ZSWIM6: variants seen among roughly 807,000 people sequenced by gnomAD.
The protein encoded by ZSWIM6 is zinc finger SWIM domain-containing protein 6.
ZSWIM6 carries 9 observed loss-of-function variants against 113.2 expected under a neutral mutation model. That is an observed-to-expected ratio of 0.08 (90% confidence interval 0.05 to 0.14). ZSWIM6 has a LOEUF of 0.14. ZSWIM6 is among the 10% of genes least tolerant of loss of function. The pLI, the probability that ZSWIM6 is intolerant of heterozygous loss-of-function variation, is 1.00. For missense variants in ZSWIM6, 1,162 were observed against 1,552.2 expected (o/e 0.75, Z 4.22); for synonymous variants, 611 against 606.5 (o/e 1.01, Z -0.11).
chr5:61,370,143 C>T (rs1191722419), intron 1 of ZSWIM6, among the ~76,000 whole-genome samples: 2 of 152,204 alleles, frequency 1.3e-5, no homozygotes, highest in African/African-American at 4.8e-5. Flanking sequence ...AATTATGAAA[C>T]ATCCTTATCA....
At chr5:61,379,771 C>G (rs1323622793) in intron 1 of ZSWIM6, among the ~76,000 whole-genome samples, 1 of 152,086 alleles carries the variant, frequency 6.6e-6, no homozygotes, top group Admixed American at 6.5e-5. Flanking sequence ...AAAACAAATA[C>G]CTCCCTCAAA....
chr5:61,431,244 G>A (rs189959677), intron 1 of ZSWIM6, among the ~76,000 whole-genome samples: 24 of 151,798 alleles, frequency 1.6e-4, no homozygotes, highest in African/African-American at 5.3e-4. Flanking sequence ...GTGGTGGTAC[G>A]TGCCTGTAGT....
chr5:61,405,706 A>T (rs1451785180), intron 1 of ZSWIM6, among the ~76,000 whole-genome samples: 1 of 152,202 alleles, frequency 6.6e-6, no homozygotes, highest in Non-Finnish European at 1.5e-5. Context: ...AGAGTAGAAG[A>T]GTAGATTAGA....
At chr5:61,526,132 A>G in intron 6 of ZSWIM6, 118 bp from the exon 7 acceptor site, 1 of 1,429,070 alleles carries the variant, frequency 7.0e-7, no homozygotes, top group Admixed American at 2.6e-5. Context: ...ATCCAAGTTC[A>G]GGAATGGTTT....
chr5:61,486,051 T>A (rs918642279), intron 2 of ZSWIM6, among the ~76,000 whole-genome samples: 3 of 152,158 alleles, frequency 2.0e-5, no homozygotes, highest in African/African-American at 7.2e-5. Context: ...TAGTCTGGGC[T>A]ATAGGGCATC....
At position 61,539,630 on chromosome 5, in the gene ZSWIM6, C is replaced by T. The variant is rs1436482942; in HGVS notation, c.2574C>T (p.Ser858=). 1.3e-6 allele frequency: 2 copies of T among 1,551,920 alleles called. No individual in the cohort carries two copies. Among genetic ancestry groups the T allele is most frequent in the East Asian group, 4.9e-5 (2 of 40,920 alleles). The change falls in exon 12 of 14, where the codon TCC becomes TCT. Residue 858 remains serine, a synonymous_variant. Coordinates refer to ENST00000252744, the MANE Select transcript of ZSWIM6 (RefSeq NM_020928.2). The part of the protein sequence containing the change: ...DVRRLETVLE[S]IQKNIHSSSH... ...GGAGGCTGGAAACAGTATTAGAATCCATCCAGAAAAACATTCACTCCTCAT... is the reference window on the plus strand; with the variant it reads ...GGAGGCTGGAAACAGTATTAGAATCTATCCAGAAAAACATTCACTCCTCAT...
chr5:61,333,881 G>C lies in ZSWIM6; in HGVS notation c.676+933G>C, dbSNP rs565051702. ...CGGGCGAGCCGCGGTCGGCAGTTGC[G>C]GATTTGCCGCTCGCAGCCAAAGGGG... On this transcript the variant is annotated intron_variant, in intron 1 of 13. Coordinates refer to ENST00000252744, the MANE Select transcript of ZSWIM6 (RefSeq NM_020928.2). Among the ~76,000 whole-genome samples, 10 of 152,216 alleles carry C rather than the reference G, an allele frequency of 6.6e-5. No individual in the cohort carries two copies. In the South Asian group the frequency reaches 1.9e-3, roughly 28 times the overall value.
chr5:61,430,702 G>T (rs1468989815), intron 1 of ZSWIM6, among the ~76,000 whole-genome samples: 5 of 152,098 alleles, frequency 3.3e-5, no homozygotes, highest in Non-Finnish European at 7.3e-5. Flanking sequence ...TTATAGTGAG[G>T]CATGATTGTA....
At chr5:61,440,227 G>C (rs141061300) in intron 1 of ZSWIM6, among the ~76,000 whole-genome samples, 1 of 152,156 alleles carries the variant, frequency 6.6e-6, no homozygotes, top group African/African-American at 2.4e-5. Flanking sequence ...TTTCCTAATG[G>C]AGGAAGAAAG....
chr5:61,375,776 CAAAA>C (rs1314619890), intron 1 of ZSWIM6: 4 of 1,514,372 alleles, frequency 2.6e-6, no homozygotes, highest in Admixed American at 3.9e-5. Flanking sequence ...ACAGAAAAAA[CAAAA>C]AAGAAAAAGA....
Position 61,375,429 on chromosome 5 carries a change from T to A in ZSWIM6, c.676+42481T>A, listed in dbSNP as rs532006053. On this transcript the variant is annotated intron_variant, in intron 1 of 13. Transcript: ENST00000252744. ...AGAAGAAATCTGGTAGGTATTCATCTTCTTCTTCATCAAGCTCTGATTCTT... is the reference window on the plus strand; with the variant it reads ...AGAAGAAATCTGGTAGGTATTCATCATCTTCTTCATCAAGCTCTGATTCTT... The A allele has an allele frequency of 1.0e-4, 158 of 1,513,346 alleles. No homozygotes were observed. The South Asian group carries it at 1.5e-3, about 14-fold the overall frequency. 93.7% of individuals were successfully genotyped at this position (1,513,346 alleles called of 1,614,324 possible). A position where few individuals can be genotyped will look rare whatever the true frequency, so the allele number is the denominator to read the frequency against.
intron 1 of ZSWIM6, among the ~76,000 whole-genome samples, chr5:61,386,284 G>T (rs549362962): frequency 1.3e-5 from 2 of 152,078 alleles, no homozygotes; most frequent in Non-Finnish European, 2.9e-5. Context: ...TTATTTGCCC[G>T]GAGTGATTTG....
chr5:61,514,512 G>A (rs980618279), intron 4 of ZSWIM6, among the ~76,000 whole-genome samples: 13 of 151,804 alleles, frequency 8.6e-5, no homozygotes, highest in African/African-American at 1.5e-4. Flanking sequence ...AGGATTTTTT[G>A]CAGATGCCCT....
intron 2 of ZSWIM6, among the ~76,000 whole-genome samples, chr5:61,477,308 C>T (rs1159795424): frequency 6.6e-6 from 1 of 152,182 alleles, no homozygotes; most frequent in Non-Finnish European, 1.5e-5. Context: ...GTAGCCTAGA[C>T]TTACCCCTCA....
intron 2 of ZSWIM6, among the ~76,000 whole-genome samples, chr5:61,477,985 T>C (rs1213637229): frequency 6.6e-6 from 1 of 152,232 alleles, no homozygotes; most frequent in Non-Finnish European, 1.5e-5. Context: ...GGAGGACTCA[T>C]GTCACATTTT....
intron 1 of ZSWIM6, chr5:61,391,303 A>C: frequency 1.2e-6 from 1 of 841,378 alleles, no homozygotes; most frequent in Non-Finnish European, 2.1e-6. Context: ...CTTCTTGGCC[A>C]TGGTGCCTCC....
intron 1 of ZSWIM6, among the ~76,000 whole-genome samples, chr5:61,388,133 C>T (rs2112088539): frequency 6.6e-6 from 1 of 151,780 alleles, no homozygotes; most frequent in African/African-American, 2.4e-5. Flanking sequence ...CAGACACCCA[C>T]CATGATGCCC....
chr5:61,479,085 C>T (rs1580019432), intron 2 of ZSWIM6, among the ~76,000 whole-genome samples: 1 of 151,784 alleles, frequency 6.6e-6, no homozygotes, highest in East Asian at 1.9e-4. Context: ...GCAGGAGAAT[C>T]ACTTGAACTT....
At chr5:61,390,849 A>G (rs1745692364) in intron 1 of ZSWIM6, 1 of 837,362 alleles carries the variant, frequency 1.2e-6, no homozygotes, top group African/African-American at 1.7e-5. Context: ...AAGGGTGAGC[A>G]CTTGCTTCTT....
Sources: allele counts gnomAD v4.1 joint callset (sites outside exome capture counted in the v4.1 genomes callset), GRCh38; gene constraint gnomAD v4.1.1; transcripts MANE v1.5; gene names NCBI Gene and HGNC (gene_info 2026-07-23, HGNC 2026-07-21).